Variants in CD58 observed in about 807,000 individuals in gnomAD.
CD58 encodes the protein CD58 molecule.
A neutral mutation model predicts 27.6 loss-of-function variants in CD58; 14 were observed. The ratio of observed to expected loss-of-function variants is 0.51; its 90% confidence interval spans 0.34 to 0.79. The LOEUF is 0.79. Among genes scored for constraint, CD58 ranks in the 30% least tolerant of loss-of-function variants. The pLI is 0.02. For synonymous variants in CD58, 117 were observed against 103.8 expected (o/e 1.13, Z -0.77); for missense variants, 268 against 301.7 (o/e 0.89, Z 0.83).
rs574586292 is a variant in CD58, at chr1:116,553,283, A to C, written c.71-8679T>G. Among the ~76,000 whole-genome samples, 8 of 152,176 alleles carry C rather than the reference A, an allele frequency of 5.3e-5. No homozygotes were observed. In the East Asian group the frequency reaches 7.7e-4, roughly 15 times the overall value. ...TTTACTAAATGAATATCTTCCATAC[A>C]AAGTTTCTATATTTTTACATAATGA... On this transcript the variant is annotated intron_variant, in intron 1 of 5. Coordinates refer to ENST00000369489, the MANE Select transcript of CD58 (RefSeq NM_001779.3).
chr1:116,566,414 C>T (rs1015543559), intron 1 of CD58, among the ~76,000 whole-genome samples: 2 of 152,184 alleles, frequency 1.3e-5, no homozygotes, highest in African/African-American at 2.4e-5. Flanking sequence ...TTTGTAAAAA[C>T]TCTATTTCTT....
chr1:116,532,247 C>G lies in CD58; in HGVS notation c.628+3718G>C, dbSNP rs529481636. 6.6e-6 allele frequency among the ~76,000 whole-genome samples: 1 copy of G among 152,276 alleles called. No individual in the cohort carries two copies. Among genetic ancestry groups the G allele is most frequent in the Non-Finnish European group, 1.5e-5 (1 of 68,028 alleles). ...GGTCACCAGGGTGGTTCAGAAATGG[C>G]AAGGACGAGCGACAGCAAAAGGCCG... On this transcript the variant is annotated intron_variant, in intron 3 of 5. Coordinates refer to ENST00000369489, the MANE Select transcript of CD58 (RefSeq NM_001779.3). This position sits in a 1 kb window ranked among gnomAD's most constrained non-coding sequence, Gnocchi z 5.1.
intron 1 of CD58, among the ~76,000 whole-genome samples, chr1:116,551,734 C>CTTTT (rs1658400501): frequency 7.2e-6 from 1 of 138,528 alleles, no homozygotes; most frequent in Admixed American, 7.1e-5. Context: ...TTTTTTCTTT[C>CTTTT]TTTCTTTTTT....
chr1:116,548,491 G>T (rs910826834), intron 1 of CD58, among the ~76,000 whole-genome samples: 3 of 152,268 alleles, frequency 2.0e-5, no homozygotes, highest in Admixed American at 1.3e-4. Flanking sequence ...GAAAGATGAG[G>T]ATCCAGTTTC....
Position 116,534,021 on chromosome 1 carries a change from C to CAA in CD58, c.628+1943_628+1944insTT, listed in dbSNP as rs1657707862. 5 of 1,271,740 alleles carry CAA rather than the reference C, an allele frequency of 3.9e-6. No homozygotes were observed. Among genetic ancestry groups the CAA allele is most frequent in the Admixed American group, 1.7e-5 (1 of 59,162 alleles). 78.8% of individuals were successfully genotyped at this position (1,271,740 alleles called of 1,614,324 possible). A position where few individuals can be genotyped will look rare whatever the true frequency, so the allele number is the denominator to read the frequency against. Reference sequence around the variant, plus strand: ...GCATCACCTGATCCGTGAGCTTTTCCGTCTTACTTGCATTTTTAGCAGCTT... The same window carrying CAA: ...GCATCACCTGATCCGTGAGCTTTTCCAAGTCTTACTTGCATTTTTAGCAGCTT... On this transcript the variant is annotated intron_variant, in intron 3 of 5. Transcript: ENST00000369489. The surrounding 1 kb of genome is among the most constrained non-coding windows in gnomAD (Gnocchi z 5.3).
intron 1 of CD58, among the ~76,000 whole-genome samples, chr1:116,556,448 A>C (rs1476680883): frequency 6.6e-6 from 1 of 152,136 alleles, no homozygotes; most frequent in Non-Finnish European, 1.5e-5. Flanking sequence ...AGCTTGCTAC[A>C]TGGCATAAGG....
rs1657303165 is a variant in CD58 at position 116,522,732 on chromosome 1, G to T, written c.629-749C>A. Among the ~76,000 whole-genome samples the T allele has an allele frequency of 1.3e-5, 2 of 152,338 alleles. No individual in the cohort carries two copies. Among genetic ancestry groups the T allele is most frequent in the South Asian group, 4.1e-4 (2 of 4,826 alleles). On this transcript the variant is annotated intron_variant, in intron 3 of 5. Transcript: ENST00000369489. This position sits in a 1 kb window ranked among gnomAD's most constrained non-coding sequence, Gnocchi z 4.6. The stretch of plus-strand genomic sequence containing the variant: ...CTGTGTTATTTAATAAAAGAAGCAA[G>T]TGTTCCACTAGAAGGTTTGTTTCTG...
chr1:116,547,822 T>C (rs776365615), intron 1 of CD58, among the ~76,000 whole-genome samples: 6 of 152,194 alleles, frequency 3.9e-5, no homozygotes, highest in Admixed American at 1.3e-4. Context: ...TCTGGGTAGA[T>C]ACCCAGTAAT....
chr1:116,534,524 G>A lies in CD58; in HGVS notation c.628+1441C>T, dbSNP rs945129978. Among the ~76,000 whole-genome samples the A allele has an allele frequency of 6.6e-6, 1 of 152,152 alleles. No homozygotes were observed. Among genetic ancestry groups the A allele is most frequent in the Non-Finnish European group, 1.5e-5 (1 of 68,014 alleles). On this transcript the variant is annotated intron_variant, in intron 3 of 5. Coordinates refer to ENST00000369489, the MANE Select transcript of CD58 (RefSeq NM_001779.3). The surrounding 1 kb of genome is among the most constrained non-coding windows in gnomAD (Gnocchi z 5.3). ...CCCTCTACGCCTCCTCCGCTGGGCC[G>A]CCGGCGAGGAAGCCGCCCGCAGCGC... is the stretch of plus-strand genomic sequence containing the variant.
In CD58 at chr1:116,517,805, C is replaced by T. The variant is rs909014557; in HGVS notation, c.743+1426G>A. 6.6e-6 allele frequency among the ~76,000 whole-genome samples: 1 copy of T among 152,146 alleles called. No individual in the cohort carries two copies. The highest frequency in any genetic ancestry group is 2.4e-5 in the African/African-American group (1 of 41,434). On this transcript the variant is annotated intron_variant, in intron 5 of 5. Transcript: ENST00000369489. This position sits in a 1 kb window ranked among gnomAD's most constrained non-coding sequence, Gnocchi z 6.5. ...ATCCGTAACTCTAGCGTGAAGCCCA[C>T]GCTCCAATTCTGTGCATGGACATCA...
intron 2 of CD58, among the ~76,000 whole-genome samples, chr1:116,540,203 C>T (rs1657947312): frequency 6.6e-6 from 1 of 152,212 alleles, no homozygotes; most frequent in African/African-American, 2.4e-5. Context: ...GAAGTGGATG[C>T]CCTGAATTTA....
rs2101159094 is a variant in CD58 at position 116,524,701 on chromosome 1, C to T, written c.629-2718G>A. ...GCATTTTCCTGCAATACATACTCAA[C>T]AGTAACCAAATACCAGCATTACTGC... On this transcript the variant is annotated intron_variant, in intron 3 of 5. Transcript: ENST00000369489. This position sits in a 1 kb window ranked among gnomAD's most constrained non-coding sequence, Gnocchi z 4.6. Among the ~76,000 whole-genome samples, 1 of 152,336 alleles carries T rather than the reference C, an allele frequency of 6.6e-6. No individual in the cohort carries two copies. The highest frequency in any genetic ancestry group is 2.1e-4 in the South Asian group (1 of 4,832).
At chr1:116,553,928 A>G (rs1004786636) in intron 1 of CD58, among the ~76,000 whole-genome samples, 3 of 152,236 alleles carry the variant, frequency 2.0e-5, no homozygotes, top group Admixed American at 2.0e-4. Context: ...TCATAACTCC[A>G]AGACAAGAGT....
At chr1:116,539,264 G>A (rs1319299827) in intron 2 of CD58, among the ~76,000 whole-genome samples, 1 of 152,180 alleles carries the variant, frequency 6.6e-6, no homozygotes, top group African/African-American at 2.4e-5. Context: ...ATGATGAGAA[G>A]AGTCACTGAG....
chr1:116,532,735 A>G lies in CD58; in HGVS notation c.628+3230T>C, dbSNP rs1457124511. 6.6e-6 allele frequency among the ~76,000 whole-genome samples: 1 copy of G among 152,256 alleles called. No individual in the cohort carries two copies. The highest frequency in any genetic ancestry group is 2.4e-5 in the African/African-American group (1 of 41,472). ...ATTGGACAAAACCTCCTATTTCTGAAATGCATTTCAGTTGCCACTGTACAC... is the reference window on the plus strand; with the variant it reads ...ATTGGACAAAACCTCCTATTTCTGAGATGCATTTCAGTTGCCACTGTACAC... On this transcript the variant is annotated intron_variant, in intron 3 of 5. Coordinates refer to ENST00000369489, the MANE Select transcript of CD58 (RefSeq NM_001779.3). This position sits in a 1 kb window ranked among gnomAD's most constrained non-coding sequence, Gnocchi z 5.1.
chr1:116,542,292 A>T (rs1045007683), intron 2 of CD58, among the ~76,000 whole-genome samples: 102 of 152,292 alleles, frequency 6.7e-4, no homozygotes, highest in African/African-American at 2.2e-3. Flanking sequence ...GAAAAAAGAG[A>T]AAGAAACATG....
In CD58 at chr1:116,544,522, T is replaced by C; in HGVS notation, c.153A>G (p.Leu51=). Residue 51 remains leucine, a synonymous_variant, in exon 2 of 6, where the codon TTA becomes TTG. Coordinates refer to ENST00000369489, the MANE Select transcript of CD58 (RefSeq NM_001779.3). ...VTFHVPSNVP[L]KEVLWKKQKD... is the part of the protein sequence containing the mutation. ...TTTGTTTTTTCCATAGGACCTCTTT[T>C]AAAGGCACATTGCTTGGTACATGGA... is the stretch of plus-strand genomic sequence containing the variant. 1 of 1,613,674 alleles carries C rather than the reference T, an allele frequency of 6.2e-7. No homozygotes were observed. Among genetic ancestry groups the C allele is most frequent in the Non-Finnish European group, 8.5e-7 (1 of 1,179,574 alleles).
In CD58 at chr1:116,518,801, C is replaced by G. The variant is rs549128018; in HGVS notation, c.743+430G>C. 2.9e-6 allele frequency: 3 copies of G among 1,017,872 alleles called. No homozygotes were observed. The Admixed American group carries it at 1.6e-4, about 54-fold the overall frequency. 63.1% of individuals were successfully genotyped at this position (1,017,872 alleles called of 1,614,324 possible). Reference sequence around the variant, plus strand: ...TCTGACCCTGGCTCCTGAAGTGAACCCTATCCCTGATCCAACTTTTTCTGG... The same window carrying G: ...TCTGACCCTGGCTCCTGAAGTGAACGCTATCCCTGATCCAACTTTTTCTGG... On this transcript the variant is annotated intron_variant, in intron 5 of 5. Coordinates refer to ENST00000369489, the MANE Select transcript of CD58 (RefSeq NM_001779.3).
chr1:116,539,514 A>G (rs1158641648), intron 2 of CD58, among the ~76,000 whole-genome samples: 1 of 151,188 alleles, frequency 6.6e-6, no homozygotes, highest in East Asian at 1.9e-4. Context: ...TGTAAAAAAG[A>G]AAAGAAAAGA....
Sources: allele counts gnomAD v4.1 joint callset (sites outside exome capture counted in the v4.1 genomes callset), GRCh38; gene constraint gnomAD v4.1.1; non-coding constraint Gnocchi (gnomAD v3.1); transcripts MANE v1.5; gene names NCBI Gene and HGNC (gene_info 2026-07-23, HGNC 2026-07-21).